MEIS2: variants seen among roughly 807,000 people sequenced by gnomAD.
MEIS2 encodes homeobox protein Meis2.
Under a neutral mutation model 58.6 loss-of-function variants are expected in MEIS2, and 9 were observed. The ratio of observed to expected loss-of-function variants is 0.15; its 90% CI spans 0.09 to 0.27. The LOEUF (loss-of-function observed/expected upper bound fraction) is 0.27. MEIS2 is among the 10% of genes least tolerant of loss of function. The pLI is 1.00. For missense variants in MEIS2, 427 were observed against 635.0 expected (o/e 0.67, Z 3.52); for synonymous variants, 221 against 228.4 (o/e 0.97, Z 0.29).
intron 9 of MEIS2, among the ~76,000 whole-genome samples, chr15:36,935,069 G>T (rs1168939677): frequency 2.6e-5 from 4 of 152,120 alleles, no homozygotes; most frequent in Non-Finnish European, 5.9e-5. Context: ...ATTGGTTAGA[G>T]TCCAAGGTCA....
At chr15:36,895,369 G>A in intron 10 of MEIS2, 108 bp from the exon 11 acceptor site, 2 of 908,564 alleles carry the variant, frequency 2.2e-6, no homozygotes, top group Non-Finnish European at 3.4e-6. Flanking sequence ...CAATGTGGTT[G>A]GCACTCTACA....
intron 8 of MEIS2, among the ~76,000 whole-genome samples, chr15:37,030,661 T>C (rs983416057): frequency 1.3e-5 from 2 of 151,116 alleles, no homozygotes; most frequent in Non-Finnish European, 3.0e-5. Flanking sequence ...ATTATTATTA[T>C]TTTTTCTTTG....
At chr15:36,985,854 A>G (rs2141528908) in intron 8 of MEIS2, among the ~76,000 whole-genome samples, 1 of 152,338 alleles carries the variant, frequency 6.6e-6, no homozygotes, top group South Asian at 2.1e-4. Flanking sequence ...GTCAGCAGGC[A>G]GATGGTGACA....
intron 8 of MEIS2, among the ~76,000 whole-genome samples, chr15:36,997,064 G>C (rs565476190): frequency 6.6e-6 from 1 of 152,328 alleles, no homozygotes; most frequent in Admixed American, 6.5e-5. Flanking sequence ...GCATTGTATA[G>C]GAATAGCTCA....
intron 9 of MEIS2, among the ~76,000 whole-genome samples, chr15:36,910,104 G>A (rs527938261): frequency 2.3e-4 from 35 of 152,218 alleles, no homozygotes; most frequent in Non-Finnish European, 7.4e-5. Flanking sequence ...TACTCAGGAG[G>A]CTGATGTGGG....
intron 7 of MEIS2, among the ~76,000 whole-genome samples, chr15:37,058,470 G>C (rs984153173): frequency 6.6e-6 from 1 of 152,186 alleles, no homozygotes; most frequent in Non-Finnish European, 1.5e-5. Context: ...TCCTGGGCCA[G>C]GGCTGAGAGT....
chr15:37,015,075 A>G (rs1448518282), intron 8 of MEIS2, among the ~76,000 whole-genome samples: 1 of 152,254 alleles, frequency 6.6e-6, no homozygotes, highest in African/African-American at 2.4e-5. Flanking sequence ...CACTAAAGTG[A>G]AAAGCTATTG....
intron 8 of MEIS2, among the ~76,000 whole-genome samples, chr15:36,996,211 G>A (rs1424874101): frequency 6.6e-6 from 1 of 151,834 alleles, no homozygotes; most frequent in Non-Finnish European, 1.5e-5. Flanking sequence ...AGCAATGAAA[G>A]GTCATTAGTC....
At chr15:36,926,426 T>G (rs867803429) in intron 9 of MEIS2, among the ~76,000 whole-genome samples, 2 of 152,210 alleles carry the variant, frequency 1.3e-5, no homozygotes, top group Non-Finnish European at 2.9e-5. Context: ...CCCACACGAC[T>G]CTGGTGGTGA....
At chr15:37,009,383 T>A (rs1406242614) in intron 8 of MEIS2, among the ~76,000 whole-genome samples, 2 of 152,276 alleles carry the variant, frequency 1.3e-5, no homozygotes, top group African/African-American at 2.4e-5. Context: ...CATTTGGGGT[T>A]CAGGTTTGTT....
At chr15:36,935,298 T>C (rs1374566499) in intron 9 of MEIS2, among the ~76,000 whole-genome samples, 3 of 152,032 alleles carry the variant, frequency 2.0e-5, no homozygotes, top group East Asian at 3.9e-4. Context: ...CATACAGCAA[T>C]TTTTAAGCCA....
chr15:36,916,826 T>C (rs1260267984), intron 9 of MEIS2, among the ~76,000 whole-genome samples: 1 of 152,206 alleles, frequency 6.6e-6, no homozygotes, highest in Non-Finnish European at 1.5e-5. Flanking sequence ...GACACTAAAC[T>C]GAATGCATAC....
chr15:36,955,599 A>G (rs1159212762), intron 8 of MEIS2, among the ~76,000 whole-genome samples: 3 of 152,184 alleles, frequency 2.0e-5, no homozygotes, highest in Non-Finnish European at 2.9e-5. Context: ...AGTTGTAATA[A>G]CAAGGTTTGT....
intron 11 of MEIS2, chr15:36,894,923 A>T (rs944557300): frequency 2.8e-6 from 3 of 1,056,042 alleles, no homozygotes; most frequent in African/African-American, 3.2e-5. Context: ...GTTTAAAAAG[A>T]AAAAAGAAAA....
chr15:36,943,568 A>G (rs2058451923), intron 9 of MEIS2, among the ~76,000 whole-genome samples: 1 of 152,116 alleles, frequency 6.6e-6, no homozygotes, highest in Admixed American at 6.5e-5. Flanking sequence ...TTTAAGGGGC[A>G]TTTTTTGGAA....
At chr15:37,059,385 T>C (rs1888879093) in intron 7 of MEIS2, among the ~76,000 whole-genome samples, 2 of 152,186 alleles carry the variant, frequency 1.3e-5, no homozygotes, top group African/African-American at 4.8e-5. Flanking sequence ...AAAATAGTCA[T>C]GGCTGACATG....
At chr15:36,936,933 C>A (rs2058197346) in intron 9 of MEIS2, among the ~76,000 whole-genome samples, 1 of 152,158 alleles carries the variant, frequency 6.6e-6, no homozygotes, top group East Asian at 1.9e-4. Flanking sequence ...TTAGTGTTAA[C>A]CAATGAGAAG....
chr15:36,955,817 T>C (rs1595803259), intron 8 of MEIS2, among the ~76,000 whole-genome samples: 1 of 152,056 alleles, frequency 6.6e-6, no homozygotes, highest in East Asian at 1.9e-4. Flanking sequence ...TTCAAATTTC[T>C]ATATTTTCTG....
At chr15:36,938,835 C>G (rs921870407) in intron 9 of MEIS2, among the ~76,000 whole-genome samples, 2 of 152,194 alleles carry the variant, frequency 1.3e-5, no homozygotes, top group African/African-American at 2.4e-5. Flanking sequence ...CAAGATCACA[C>G]AAGTTGTTTG....
Sources: allele counts gnomAD v4.1 joint callset (sites outside exome capture counted in the v4.1 genomes callset), GRCh38; gene constraint gnomAD v4.1.1; transcripts MANE v1.5; gene names NCBI Gene and HGNC (gene_info 2026-07-23, HGNC 2026-07-21).